The following PCDHB10 variants were observed in gnomAD, a reference collection of about 807,000 sequenced individuals.
The protein encoded by PCDHB10 is protocadherin beta-10.
For synonymous variants in PCDHB10, 448 were observed against 449.2 expected, an observed-to-expected ratio of 1.00 and a Z score of 0.04; for missense variants, 1,046 against 1,004.7, an observed-to-expected ratio of 1.04 and a Z score of -0.56.
In PCDHB10 at chr5:141,192,498, T is replaced by C; in HGVS notation, c.-55T>C. 6.3e-7 allele frequency: 1 copy of C among 1,577,212 alleles called. No individual in the cohort carries two copies. The highest frequency in any genetic ancestry group is 8.6e-7 in the Non-Finnish European group (1 of 1,163,626). On this transcript the variant is annotated 5_prime_UTR_variant, in exon 1 of 1. Coordinates refer to ENST00000239446, the MANE Select transcript of PCDHB10 (RefSeq NM_018930.4). ...GGTGCAGGGTTTCCTACTGCTGTTC[T>C]TTTATGCTGGGAGCTGTGGCTGTAA...
rs1554283970 is a variant in PCDHB10, at chr5:141,193,110, T to C, written c.558T>C (p.Asp186=). The change falls in exon 1 of 1, where the codon GAT becomes GAC. Residue 186 remains aspartate, a synonymous_variant. Transcript: ENST00000239446. The stretch of plus-strand genomic sequence containing the variant: ...TCCATATTAACATTAGTGGCGGTGA[T>C]GAAGGCATGATATATCCAGAGCTAG... ...SFFHINISGG[D]EGMIYPELVL... The C allele has an allele frequency of 1.2e-6, 2 of 1,614,040 alleles. No individual in the cohort carries two copies. Among genetic ancestry groups the C allele is most frequent in the African/African-American group, 1.3e-5 (1 of 74,896 alleles).
Position 141,194,153 on chromosome 5 carries a change from C to T in PCDHB10, c.1601C>T (p.Thr534Ile), listed in dbSNP as rs151042491. The T allele has an allele frequency of 5.8e-5, 93 of 1,604,624 alleles. No individual in the cohort carries two copies. The African/African-American group carries it at 7.9e-4, about 14-fold the overall frequency. Reference sequence around the variant, plus strand: ...GCTTTCGAGTTCCGCGTGGGCGCCACAGACCGCGGCTCCCCCGCGCTGAGC... The same window carrying T: ...GCTTTCGAGTTCCGCGTGGGCGCCATAGACCGCGGCTCCCCCGCGCTGAGC... ...LQAFEFRVGA[T>I]DRGSPALSRE... Residue 534 changes from threonine (T) to isoleucine (I), a missense_variant, in exon 1 of 1, where the codon ACA becomes ATA. By Grantham distance (89) the Thr-to-Ile change is moderately conservative. Transcript: ENST00000239446.
Position 141,193,449 on chromosome 5 carries a change from G to C in PCDHB10, c.897G>C (p.Gly299=). The C allele has an allele frequency of 1.2e-6, 2 of 1,613,942 alleles. No individual in the cohort carries two copies. The highest frequency in any genetic ancestry group is 1.7e-6 in the Non-Finnish European group (2 of 1,179,968). ...CCTTTCAAATCAATCCTTTTTCTGG[G>C]GAAATCTTTCTCAGAGAATTGCTTG... ...RTTFQINPFS[G]EIFLRELLDY... is the part of the protein sequence containing the mutation. The change falls in exon 1 of 1, where the codon GGG becomes GGC. Residue 299 remains glycine, a synonymous_variant. Coordinates refer to ENST00000239446, the MANE Select transcript of PCDHB10 (RefSeq NM_018930.4).
Position 141,193,456 on chromosome 5 carries a change from T to G in PCDHB10, c.904T>G (p.Phe302Val). 6.2e-7 allele frequency: 1 copy of G among 1,614,140 alleles called. No individual in the cohort carries two copies. Residue 302 changes from phenylalanine to valine, a missense_variant, in exon 1 of 1, where the codon TTT becomes GTT. By Grantham distance (50) the Phe-to-Val change is conservative. Transcript: ENST00000239446. ...AATCAATCCTTTTTCTGGGGAAATC[T>G]TTCTCAGAGAATTGCTTGATTATGA... The part of the protein sequence containing the change: ...FQINPFSGEI[F>V]LRELLDYELV...
rs1404939882 is a variant in PCDHB10, at chr5:141,195,546, AC to A, written c.*592del. On this transcript the variant is annotated 3_prime_UTR_variant, in exon 1 of 1. Transcript: ENST00000239446. ...ACTTGGCCAATATTTTCTTATGTTA[AC>A]TTTTGCTGATGTATAAAACAGACTA... 1 of 166,784 alleles carries A rather than the reference AC, an allele frequency of 6.0e-6. No homozygotes were observed. The highest frequency in any genetic ancestry group is 1.5e-5 in the Non-Finnish European group (1 of 68,008). The allele number at this position is 166,784 out of a possible 1,614,324, so 10.3% of individuals were successfully genotyped here.
Position 141,194,259 on chromosome 5 carries a change from C to G in PCDHB10, c.1707C>G (p.Ser569=), listed in dbSNP as rs1390094334. ...PFVLYPLQNG[S]APCTELVPRA... ...TGCTGTACCCGCTGCAGAACGGCTCCGCGCCCTGCACCGAGCTGGTGCCCC... is the reference window on the plus strand; with the variant it reads ...TGCTGTACCCGCTGCAGAACGGCTCGGCGCCCTGCACCGAGCTGGTGCCCC... Residue 569 remains serine, a synonymous_variant, in exon 1 of 1, where the codon TCC becomes TCG. Coordinates refer to ENST00000239446, the MANE Select transcript of PCDHB10 (RefSeq NM_018930.4). 12 of 1,605,738 alleles carry G rather than the reference C, an allele frequency of 7.5e-6. No individual in the cohort carries two copies. The highest frequency in any genetic ancestry group is 2.2e-5 in the East Asian group (1 of 44,662).
At position 141,193,149 on chromosome 5, in the gene PCDHB10, A is replaced by G. The variant is rs781985781; in HGVS notation, c.597A>G (p.Ala199=). ...MIYPELVLDK[A]LDREEQGELS... is the part of the protein sequence containing the mutation. ...ATCCAGAGCTAGTGTTGGACAAAGC[A>G]CTGGATCGGGAGGAGCAGGGAGAGC... Residue 199 remains alanine, a synonymous_variant, in exon 1 of 1, where the codon GCA becomes GCG. Coordinates refer to ENST00000239446, the MANE Select transcript of PCDHB10 (RefSeq NM_018930.4). The G allele has an allele frequency of 6.2e-6, 10 of 1,614,144 alleles. No homozygotes were observed. In the South Asian group the frequency reaches 1.1e-4, roughly 18 times the overall value.
rs782775370 is a variant in PCDHB10, at chr5:141,194,793, G to A, written c.2241G>A (p.Leu747=). ...TGGACGTGAGGGGCGCTGAGACCCT[G>A]TCCCAGAGCTACCAGTATGAGGTGT... The part of the protein sequence containing the change: ...HLVDVRGAET[L]SQSYQYEVCL... Residue 747 remains leucine (L), a synonymous_variant, in exon 1 of 1, where the codon CTG becomes CTA. Coordinates refer to ENST00000239446, the MANE Select transcript of PCDHB10 (RefSeq NM_018930.4). 131 of 1,614,000 alleles carry A rather than the reference G, an allele frequency of 8.1e-5. No homozygotes were observed. The highest frequency in any genetic ancestry group is 1.0e-4 in the Non-Finnish European group (118 of 1,180,016).
At position 141,195,153 on chromosome 5, in the gene PCDHB10, A is replaced by C. The variant is rs1754027303; in HGVS notation, c.*198A>C. The C allele has an allele frequency of 9.5e-6, 5 of 527,706 alleles. No individual in the cohort carries two copies. Among genetic ancestry groups the C allele is most frequent in the Non-Finnish European group, 1.3e-5 (4 of 304,020 alleles). The allele number at this position is 527,706 out of a possible 1,614,324, so 32.7% of individuals were successfully genotyped here. ...TTAATTTAATGAGTATTTTTTTCTA[A>C]ATGATAGTGTTAAGGTTTTAATTCT... On this transcript the variant is annotated 3_prime_UTR_variant, in exon 1 of 1. Coordinates refer to ENST00000239446, the MANE Select transcript of PCDHB10 (RefSeq NM_018930.4).
Position 141,193,086 on chromosome 5 carries a change from C to G in PCDHB10, c.534C>G (p.Phe178Leu), listed in dbSNP as rs1209112857. The change falls in exon 1 of 1, where the codon TTC (phenylalanine) becomes TTG (leucine). Residue 178 changes from phenylalanine to leucine, a missense_variant. Transcript: ENST00000239446. Reference sequence around the variant, plus strand: ...ACACGATCAGCCCCAACTCTTTTTTCCATATTAACATTAGTGGCGGTGATG... The same window carrying G: ...ACACGATCAGCCCCAACTCTTTTTTGCATATTAACATTAGTGGCGGTGATG... ...QNYTISPNSFFHINISGGDEG... is the reference protein window; with the variant it reads ...QNYTISPNSFLHINISGGDEG... 9.9e-6 allele frequency: 16 copies of G among 1,613,966 alleles called. No homozygotes were observed. The highest frequency in any genetic ancestry group is 1.4e-5 in the Non-Finnish European group (16 of 1,180,022).
At position 141,193,629 on chromosome 5, in the gene PCDHB10, T is replaced by G. The variant is rs782033097; in HGVS notation, c.1077T>G (p.Asn359Lys). The G allele has an allele frequency of 1.2e-6, 2 of 1,614,052 alleles. No individual in the cohort carries two copies. Among genetic ancestry groups the G allele is most frequent in the Non-Finnish European group, 1.7e-6 (2 of 1,180,054 alleles). ...VSSFSNSVAE[N>K]SPETPLAVFK... The stretch of plus-strand genomic sequence containing the variant: ...CATTTTCCAACTCTGTTGCTGAGAA[T>G]TCTCCTGAGACGCCGCTGGCTGTTT... Residue 359 changes from asparagine (N) to lysine (K), a missense_variant, in exon 1 of 1, where the codon AAT (asparagine) becomes AAG (lysine). Transcript: ENST00000239446.
At position 141,193,156 on chromosome 5, in the gene PCDHB10, C is replaced by A. The variant is rs189437073; in HGVS notation, c.604C>A (p.Arg202=). 6.3e-5 allele frequency: 102 copies of A among 1,614,052 alleles called. 1 individual carries two copies. The East Asian group carries it at 2.0e-3, about 32-fold the overall frequency. Residue 202 remains arginine, a synonymous_variant, in exon 1 of 1, where the codon CGG becomes AGG. Transcript: ENST00000239446. ...GCTAGTGTTGGACAAAGCACTGGAT[C>A]GGGAGGAGCAGGGAGAGCTCAGCTT... The part of the protein sequence containing the change: ...PELVLDKALD[R]EEQGELSLTL...
chr5:141,194,825 C>G lies in PCDHB10; in HGVS notation c.2273C>G (p.Thr758Arg). 1.2e-6 allele frequency: 2 copies of G among 1,614,120 alleles called. No individual in the cohort carries two copies. Among genetic ancestry groups the G allele is most frequent in the Non-Finnish European group, 1.7e-6 (2 of 1,180,020 alleles). The change falls in exon 1 of 1, where the codon ACG becomes AGG. Residue 758 changes from threonine to arginine, a missense_variant. Transcript: ENST00000239446. ...AGCTACCAGTATGAGGTGTGTCTGA[C>G]GGGAGGCCCCGGGACCAGTGAGTTC... ...SQSYQYEVCL[T>R]GGPGTSEFKF... is the part of the protein sequence containing the mutation.
rs1271463275 is a variant in PCDHB10, at chr5:141,193,991, C to T, written c.1439C>T (p.Ser480Leu). The T allele has an allele frequency of 6.2e-7, 1 of 1,609,754 alleles. No individual in the cohort carries two copies. The highest frequency in any genetic ancestry group is 8.5e-7 in the Non-Finnish European group (1 of 1,178,800). ...IGSVSATDRDSGTNAQVTYSL... is the reference protein window; with the variant it reads ...IGSVSATDRDLGTNAQVTYSL... The stretch of plus-strand genomic sequence containing the variant: ...AGCGTCAGCGCCACAGACAGAGACT[C>T]GGGCACCAACGCCCAGGTCACCTAC... The change falls in exon 1 of 1, where the codon TCG becomes TTG. Residue 480 changes from serine (S) to leucine (L), a missense_variant. Ser to Leu is a moderately radical substitution (Grantham distance 145). Coordinates refer to ENST00000239446, the MANE Select transcript of PCDHB10 (RefSeq NM_018930.4).
rs199740434 is a variant in PCDHB10, at chr5:141,193,638, G to A, written c.1086G>A (p.Glu362=). The part of the protein sequence containing the change: ...FSNSVAENSP[E]TPLAVFKIND... The stretch of plus-strand genomic sequence containing the variant: ...ACTCTGTTGCTGAGAATTCTCCTGA[G>A]ACGCCGCTGGCTGTTTTTAAGATTA... Residue 362 remains glutamate, a synonymous_variant, in exon 1 of 1, where the codon GAG becomes GAA. Transcript: ENST00000239446. 1.3e-4 allele frequency: 202 copies of A among 1,614,042 alleles called. No individual in the cohort carries two copies. The highest frequency in any genetic ancestry group is 6.3e-4 in the Admixed American group (38 of 60,010).
chr5:141,192,561 C>CA lies in PCDHB10; in HGVS notation c.10dup (p.Arg4LysfsTer34). The CA allele has an allele frequency of 6.2e-7, 1 of 1,613,458 alleles. No homozygotes were observed. Among genetic ancestry groups the CA allele is most frequent in the Non-Finnish European group, 8.5e-7 (1 of 1,179,794 alleles). On this transcript the variant is annotated frameshift_variant, in exon 1 of 1. Transcript: ENST00000239446. LOFTEE classifies it low-confidence loss of function (END_TRUNC). ...TAACGTATGCAGCAGCTATGGCTGT[C>CA]AGAGAGTTGTGCTTCCCAAGACAAA... is the stretch of plus-strand genomic sequence containing the variant.
Position 141,194,585 on chromosome 5 carries a change from C to CGGCCCA in PCDHB10, c.2044_2049dup (p.Gln682_Ala683dup). The CGGCCCA allele has an allele frequency of 1.1e-5, 17 of 1,561,378 alleles. 2 individuals are homozygous for CGGCCCA. The highest frequency in any genetic ancestry group is 3.1e-5 in the African/African-American group (2 of 65,276). ...TACCTGCCTCTCCCGGAGGCGGCCC[C>CGGCCCA]GGCCCAGGCCCAGGCCGAGGCCGAC... is the stretch of plus-strand genomic sequence containing the variant. On this transcript the variant is annotated inframe_insertion, in exon 1 of 1. Coordinates refer to ENST00000239446, the MANE Select transcript of PCDHB10 (RefSeq NM_018930.4).
Position 141,195,155 on chromosome 5 carries a change from T to C in PCDHB10, c.*200T>C. ...AATTTAATGAGTATTTTTTTCTAAA[T>C]GATAGTGTTAAGGTTTTAATTCTTT... On this transcript the variant is annotated 3_prime_UTR_variant, in exon 1 of 1. Coordinates refer to ENST00000239446, the MANE Select transcript of PCDHB10 (RefSeq NM_018930.4). The C allele has an allele frequency of 1.9e-6, 1 of 532,094 alleles. No individual in the cohort carries two copies. The highest frequency in any genetic ancestry group is 3.3e-6 in the Non-Finnish European group (1 of 306,230). 33.0% of individuals were successfully genotyped at this position (532,094 alleles called of 1,614,324 possible). A position where few individuals can be genotyped will look rare whatever the true frequency, so the allele number is the denominator to read the frequency against.
rs782317669 is a variant in PCDHB10 at position 141,193,474 on chromosome 5, G to C, written c.922G>C (p.Asp308His). Reference protein sequence around the residue: ...SGEIFLRELLDYELVNSYKIN... With the variant: ...SGEIFLRELLHYELVNSYKIN... Reference sequence around the variant, plus strand: ...GGAAATCTTTCTCAGAGAATTGCTTGATTATGAGTTAGTAAATTCTTACAA... The same window carrying C: ...GGAAATCTTTCTCAGAGAATTGCTTCATTATGAGTTAGTAAATTCTTACAA... Residue 308 changes from aspartate to histidine, a missense_variant, in exon 1 of 1, where the codon GAT (aspartate) becomes CAT (histidine). By Grantham distance (81) the Asp-to-His change is moderately conservative. Coordinates refer to ENST00000239446, the MANE Select transcript of PCDHB10 (RefSeq NM_018930.4). The C allele has an allele frequency of 3.7e-6, 6 of 1,614,128 alleles. No homozygotes were observed. The highest frequency in any genetic ancestry group is 3.3e-5 in the South Asian group (3 of 91,066).
Sources: gnomAD v4.1 joint callset for allele counts on GRCh38, gnomAD v4.1.1 for gene constraint, MANE v1.5 for transcripts, NCBI Gene and HGNC (gene_info 2026-07-23, HGNC 2026-07-21) for gene names.